GSG1L: variants seen among roughly 807,000 people sequenced by gnomAD.
GSG1L encodes the protein germ cell-specific gene 1-like protein.
Under a neutral mutation model 42.1 loss-of-function variants are expected in GSG1L, and 24 were observed. The observed-to-expected ratio is 0.57, with a 90% CI of 0.41 to 0.80. The LOEUF (loss-of-function observed/expected upper bound fraction) is 0.80, where lower values mean the gene tolerates loss of function less well. Ranked by LOEUF, GSG1L falls within the 30% of genes least tolerant of loss-of-function variation. The pLI, the probability that GSG1L is intolerant of heterozygous loss-of-function variation, is 0.00. For synonymous variants in GSG1L, 215 were observed against 203.5 expected (o/e 1.06, Z -0.48); for missense variants, 445 against 472.2 (o/e 0.94, Z 0.53).
intron 3 of GSG1L, among the ~76,000 whole-genome samples, chr16:27,873,765 G>C (rs1440504631): frequency 1.3e-5 from 2 of 152,186 alleles, no homozygotes; most frequent in African/African-American, 4.8e-5. Flanking sequence ...AATAGCACTG[G>C]CCACCTTAGC....
At chr16:27,886,471 C>T (rs952394167) in intron 2 of GSG1L, among the ~76,000 whole-genome samples, 15 of 152,232 alleles carry the variant, frequency 9.9e-5, no homozygotes, top group East Asian at 9.6e-4. Context: ...GGGGTAATAA[C>T]GCCTGTCTTG....
chr16:28,026,975 G>A (rs145170873), intron 1 of GSG1L, among the ~76,000 whole-genome samples: 71 of 152,246 alleles, frequency 4.7e-4, no homozygotes, highest in African/African-American at 1.4e-3. Context: ...CCAGCTATTC[G>A]GGAGGCTGAG....
chr16:27,822,821 T>A (rs1217505834), intron 5 of GSG1L, among the ~76,000 whole-genome samples: 1 of 151,850 alleles, frequency 6.6e-6, no homozygotes, highest in Non-Finnish European at 1.5e-5. Flanking sequence ...TCTCGTGGAG[T>A]GTGCACCGAA....
At chr16:27,898,674 TTCTCTCTCTC>T (rs71140920) in intron 2 of GSG1L, among the ~76,000 whole-genome samples, 1 of 147,988 alleles carries the variant, frequency 6.8e-6, no homozygotes, top group Non-Finnish European at 1.5e-5. Context: ...TCCTCCCTCT[TTCTCTCTCTC>T]TCTCTCTCTC....
At chr16:27,881,238 C>CTTTT (rs149874320) in intron 3 of GSG1L, among the ~76,000 whole-genome samples, 1,540 of 106,880 alleles carry the variant, frequency 0.014, 64 homozygotes, top group African/African-American at 0.038. Context: ...AAGTATCATA[C>CTTTT]TTTTTTTTTT....
chr16:27,970,546 TG>T (rs2141115152), intron 1 of GSG1L, among the ~76,000 whole-genome samples: 1 of 151,020 alleles, frequency 6.6e-6, no homozygotes, highest in South Asian at 2.1e-4. Context: ...CACTCCAGCC[TG>T]GGCAACAGAG....
intron 1 of GSG1L, among the ~76,000 whole-genome samples, chr16:27,981,541 C>A (rs761968466): frequency 6.6e-6 from 1 of 152,192 alleles, no homozygotes; most frequent in Non-Finnish European, 1.5e-5. Context: ...GCCAGTTCAA[C>A]TGACGGGGCA....
intron 2 of GSG1L, among the ~76,000 whole-genome samples, chr16:27,925,335 G>A (rs2141067196): frequency 6.6e-6 from 1 of 152,316 alleles, no homozygotes; most frequent in East Asian, 1.9e-4. Flanking sequence ...GCAGTAAGTT[G>A]TGGGGCATTT....
rs1007946472 is a variant in GSG1L, at chr16:28,061,371, G to A, written c.349+1705C>T. ...AGTGTTGAGTGTAAACCAGAAGTGGGTCTGATGGGATGAAACCAATCAGGG... is the reference window on the plus strand; with the variant it reads ...AGTGTTGAGTGTAAACCAGAAGTGGATCTGATGGGATGAAACCAATCAGGG... On this transcript the variant is annotated intron_variant, in intron 1 of 6. Transcript: ENST00000447459. Among the ~76,000 whole-genome samples, 3 of 152,160 alleles carry A rather than the reference G, an allele frequency of 2.0e-5. No individual in the cohort carries two copies. The South Asian group carries it at 6.2e-4, about 32-fold the overall frequency.
At chr16:27,795,704 A>G (rs1488244700) in intron 6 of GSG1L, among the ~76,000 whole-genome samples, 4 of 152,156 alleles carry the variant, frequency 2.6e-5, no homozygotes, top group African/African-American at 9.7e-5. Flanking sequence ...TGTGGTTTCC[A>G]TTTTCTGGGA....
rs1009021574 is a variant in GSG1L at position 27,810,079 on chromosome 16, T to A, written c.831-2525A>T. 3.9e-5 allele frequency among the ~76,000 whole-genome samples: 6 copies of A among 152,244 alleles called. No homozygotes were observed. The East Asian group carries it at 1.2e-3, about 29-fold the overall frequency. ...CACCAGGAACTTCCTGAGGACCTTCTCTGTTGGCACCAGATGCTGTGTGGA... is the reference window on the plus strand; with the variant it reads ...CACCAGGAACTTCCTGAGGACCTTCACTGTTGGCACCAGATGCTGTGTGGA... On this transcript the variant is annotated intron_variant, in intron 5 of 6. Coordinates refer to ENST00000447459, the MANE Select transcript of GSG1L (RefSeq NM_001109763.2).
intron 2 of GSG1L, among the ~76,000 whole-genome samples, chr16:27,940,717 T>A (rs1200939176): frequency 3.9e-5 from 4 of 101,668 alleles, no homozygotes; most frequent in South Asian, 3.5e-4. Flanking sequence ...GTGGGGGGAG[T>A]GGGGAGGGAT....
At position 28,063,686 on chromosome 16, in the gene GSG1L, T is replaced by C. The variant is rs1287419464; in HGVS notation, c.-262A>G. Among the ~76,000 whole-genome samples, 1 of 148,278 alleles carries C rather than the reference T, an allele frequency of 6.7e-6. No homozygotes were observed. The highest frequency in any genetic ancestry group is 2.5e-5 in the African/African-American group (1 of 40,418). ...GCGCGCCCGGAGCCCGGAGCGCGAG[T>C]GCACCTCGGCTAGGAGCCGCTGGCG... On this transcript the variant is annotated 5_prime_UTR_variant, in exon 1 of 7. Coordinates refer to ENST00000447459, the MANE Select transcript of GSG1L (RefSeq NM_001109763.2). This position sits in a 1 kb window ranked among gnomAD's most constrained non-coding sequence, Gnocchi z 5.8.
chr16:28,040,922 G>A lies in GSG1L; in HGVS notation c.349+22154C>T, dbSNP rs2086098581. On this transcript the variant is annotated intron_variant, in intron 1 of 6. Coordinates refer to ENST00000447459, the MANE Select transcript of GSG1L (RefSeq NM_001109763.2). This position sits in a 1 kb window ranked among gnomAD's most constrained non-coding sequence, Gnocchi z 4.1. The stretch of plus-strand genomic sequence containing the variant: ...GACCCCACAGCAGCAAATGTGTGCT[G>A]TGCACTGAGCCTGTGCCAAGTGCTA... 6.6e-6 allele frequency among the ~76,000 whole-genome samples: 1 copy of A among 152,234 alleles called. No homozygotes were observed. Among genetic ancestry groups the A allele is most frequent in the Non-Finnish European group, 1.5e-5 (1 of 68,046 alleles).
At chr16:28,046,624 G>A (rs572408352) in intron 1 of GSG1L, among the ~76,000 whole-genome samples, 60 of 152,166 alleles carry the variant, frequency 3.9e-4, no homozygotes, top group Non-Finnish European at 6.2e-4. Context: ...AAAGTGCTGG[G>A]ATTACAGGCT....
chr16:28,003,682 C>G (rs918576503), intron 1 of GSG1L, among the ~76,000 whole-genome samples: 1 of 152,146 alleles, frequency 6.6e-6, no homozygotes, highest in Non-Finnish European at 1.5e-5. Context: ...AGTGTCCGTT[C>G]CCCAGTGTTT....
At chr16:27,824,018 C>T (rs1270266314) in intron 5 of GSG1L, 4 of 681,344 alleles carry the variant, frequency 5.9e-6, no homozygotes, top group African/African-American at 1.8e-5. Flanking sequence ...TACAGGGCCA[C>T]AGATAATAAC....
At chr16:28,019,838 C>T (rs1168343273) in intron 1 of GSG1L, among the ~76,000 whole-genome samples, 1 of 152,216 alleles carries the variant, frequency 6.6e-6, no homozygotes, top group East Asian at 1.9e-4. Context: ...AGAGACAGAG[C>T]ATGTGCACTC....
intron 3 of GSG1L, among the ~76,000 whole-genome samples, chr16:27,875,850 T>G (rs1166716396): frequency 6.6e-6 from 1 of 152,240 alleles, no homozygotes; most frequent in African/African-American, 2.4e-5. Flanking sequence ...CCTGGGCTAC[T>G]TGTAGCCATC....
Sources: allele counts gnomAD v4.1 joint callset (sites outside exome capture counted in the v4.1 genomes callset), GRCh38; gene constraint gnomAD v4.1.1; non-coding constraint Gnocchi (gnomAD v3.1); transcripts MANE v1.5; gene names NCBI Gene and HGNC (gene_info 2026-07-23, HGNC 2026-07-21).